The following ITGA1 variants were observed in gnomAD, a reference collection of about 807,000 sequenced individuals.
The protein encoded by ITGA1 is integrin alpha-1.
In ITGA1, 85 loss-of-function variants were observed where a neutral mutation model predicts 145.9. The ratio of observed to expected loss-of-function variants is 0.58; its 90% confidence interval spans 0.49 to 0.70. ITGA1 has a LOEUF of 0.70. ITGA1 is among the 30% of genes least tolerant of loss of function. The pLI, the probability that ITGA1 is intolerant of heterozygous loss-of-function variation, is 0.00. For missense variants in ITGA1, 1,351 were observed against 1,418.7 expected (o/e 0.95, Z 0.77); for synonymous variants, 520 against 495.3 (o/e 1.05, Z -0.66).
intron 1 of ITGA1, chr5:52,800,518 T>C: frequency 6.2e-7 from 1 of 1,614,054 alleles, no homozygotes; most frequent in Non-Finnish European, 8.5e-7. Context: ...CCTGCGCGCC[T>C]CCACCATCCG....
chr5:52,908,076 G>A (rs893080916), intron 12 of ITGA1, among the ~76,000 whole-genome samples: 8 of 152,146 alleles, frequency 5.3e-5, no homozygotes, highest in Non-Finnish European at 7.4e-5. Flanking sequence ...AAGGCTACAG[G>A]TCTGAGCTTT....
At chr5:52,886,779 T>C (rs1750057640) in intron 7 of ITGA1, among the ~76,000 whole-genome samples, 1 of 152,130 alleles carries the variant, frequency 6.6e-6, no homozygotes, top group Non-Finnish European at 1.5e-5. Context: ...GTTTTTTGTT[T>C]TGTTTTGTTT....
At chr5:52,824,270 G>GAAGATT (rs1748924159) in intron 1 of ITGA1, 1 of 150,860 alleles carries the variant, frequency 6.6e-6, no homozygotes, top group Admixed American at 6.7e-5. Context: ...AAATAGCTGA[G>GAAGATT]AAGATTGTTC....
chr5:52,926,434 C>T (rs1037669086), intron 19 of ITGA1, among the ~76,000 whole-genome samples: 1 of 151,958 alleles, frequency 6.6e-6, no homozygotes, highest in African/African-American at 2.4e-5. Flanking sequence ...AACCCCCTCT[C>T]TACTAAAAAT....
intron 6 of ITGA1, among the ~76,000 whole-genome samples, chr5:52,873,781 AAC>A (rs1008844860): frequency 9.8e-5 from 15 of 152,296 alleles, no homozygotes; most frequent in African/African-American, 3.6e-4. Context: ...ATCTTACAGG[AAC>A]ACACAAAAAC....
chr5:52,813,984 C>T (rs1197163676), intron 1 of ITGA1, among the ~76,000 whole-genome samples: 4 of 152,180 alleles, frequency 2.6e-5, no homozygotes, highest in Non-Finnish European at 5.9e-5. Flanking sequence ...TGGCATTGTT[C>T]AAATCCCAGC....
chr5:52,886,662 GA>G (rs1750054556), intron 7 of ITGA1, among the ~76,000 whole-genome samples: 1 of 152,192 alleles, frequency 6.6e-6, no homozygotes, highest in Non-Finnish European at 1.5e-5. Flanking sequence ...AGGGGGAGGG[GA>G]GAAGTGTGTG....
In ITGA1 at chr5:52,955,653, C is replaced by T. The variant is rs1372428435; in HGVS notation, c.*3202C>T. ...ACAGTGAAAATCAGACCTACACAAG[C>T]CACAAAAAAATTGTCTCATTTTCCC... On this transcript the variant is annotated 3_prime_UTR_variant, in exon 29 of 29. Transcript: ENST00000282588. 1 of 152,006 alleles carries T rather than the reference C, an allele frequency of 6.6e-6. No individual in the cohort carries two copies. The highest frequency in any genetic ancestry group is 2.4e-5 in the African/African-American group (1 of 41,404). 9.4% of individuals were successfully genotyped at this position (152,006 alleles called of 1,614,324 possible).
chr5:52,881,906 C>T lies in ITGA1; in HGVS notation c.658C>T (p.His220Tyr). The change falls in exon 7 of 29, where the codon CAT (histidine) becomes TAT (tyrosine). Residue 220 changes from histidine to tyrosine, a missense_variant. By Grantham distance (83) the His-to-Tyr change is moderately conservative. Transcript: ENST00000282588. Reference sequence around the variant, plus strand: ...TGTACAGTATGGAGAAAACGTGACCCATGAGTTCAACCTCAATAAGTATTC... The same window carrying T: ...TGTACAGTATGGAGAAAACGTGACCTATGAGTTCAACCTCAATAAGTATTC... ...GIVQYGENVT[H>Y]EFNLNKYSST... 1.2e-6 allele frequency: 2 copies of T among 1,613,792 alleles called. No homozygotes were observed. The highest frequency in any genetic ancestry group is 2.2e-5 in the East Asian group (1 of 44,868).
chr5:52,927,316 G>A (rs2111882485), intron 19 of ITGA1, among the ~76,000 whole-genome samples: 1 of 152,308 alleles, frequency 6.6e-6, no homozygotes, highest in African/African-American at 2.4e-5. Context: ...CTCTGTGAGG[G>A]AGGTGCTATT....
intron 6 of ITGA1, among the ~76,000 whole-genome samples, chr5:52,880,389 G>A (rs552237813): frequency 6.6e-6 from 1 of 152,244 alleles, no homozygotes; most frequent in African/African-American, 2.4e-5. Flanking sequence ...AACATAACCA[G>A]TGTACTCTAG....
chr5:52,858,608 AT>A (rs1176855717), intron 2 of ITGA1, among the ~76,000 whole-genome samples: 1 of 152,110 alleles, frequency 6.6e-6, no homozygotes, highest in East Asian at 1.9e-4. Context: ...TCGTAGGCTC[AT>A]TTTTTTCTCT....
intron 2 of ITGA1, among the ~76,000 whole-genome samples, chr5:52,859,216 C>T (rs905516983): frequency 1.7e-4 from 26 of 152,070 alleles, no homozygotes; most frequent in Middle Eastern, 3.4e-3. Flanking sequence ...ACTTTGAGTT[C>T]GATCATAAAT....
In ITGA1 at chr5:52,925,690, A is replaced by G. The variant is rs76949834; in HGVS notation, c.2613+203A>G. Reference sequence around the variant, plus strand: ...TATTCAAATATGTATGTCTTTTCTTAGATTCTGTGTGAGAAAAGGATAGCT... The same window carrying G: ...TATTCAAATATGTATGTCTTTTCTTGGATTCTGTGTGAGAAAAGGATAGCT... On this transcript the variant is annotated intron_variant, in intron 19 of 28. Transcript: ENST00000282588. 0.012 allele frequency among the ~76,000 whole-genome samples: 1,779 copies of G among 152,346 alleles called. 80 individuals carry two copies. In the East Asian group the frequency reaches 0.15, roughly 13 times the overall value.
chr5:52,820,400 A>G (rs796384016), intron 1 of ITGA1, among the ~76,000 whole-genome samples: 2 of 145,822 alleles, frequency 1.4e-5, no homozygotes, highest in Non-Finnish European at 3.0e-5. Flanking sequence ...GAGGGATAGC[A>G]TTAGGAGATA....
chr5:52,800,570 A>C, intron 1 of ITGA1: 1 of 1,613,682 alleles, frequency 6.2e-7, no homozygotes, highest in Non-Finnish European at 8.5e-7. Flanking sequence ...GTGGGCAGCA[A>C]CCGGGTCCGC....
chr5:52,802,622 T>C (rs1748512408), intron 1 of ITGA1: 1 of 152,238 alleles, frequency 6.6e-6, no homozygotes, highest in Non-Finnish European at 1.5e-5. Context: ...GGCTAATTAG[T>C]GGCAAAGCTG....
At chr5:52,920,031 A>C (rs775962845) in intron 16 of ITGA1, among the ~76,000 whole-genome samples, 37 of 152,168 alleles carry the variant, frequency 2.4e-4, no homozygotes, top group Non-Finnish European at 5.1e-4. Context: ...TAATAAATAC[A>C]GTGGTGGCCT....
intron 1 of ITGA1, among the ~76,000 whole-genome samples, chr5:52,814,068 C>G (rs1352735418): frequency 6.6e-6 from 1 of 152,184 alleles, no homozygotes; most frequent in Non-Finnish European, 1.5e-5. Context: ...GATGACATAT[C>G]ACTGTTTTAT....
Sources: allele counts gnomAD v4.1 joint callset (sites outside exome capture counted in the v4.1 genomes callset), GRCh38; gene constraint gnomAD v4.1.1; transcripts MANE v1.5; gene names NCBI Gene and HGNC (gene_info 2026-07-23, HGNC 2026-07-21).